The following MYOM1 variants were observed in gnomAD, a reference collection of about 807,000 sequenced individuals.
MYOM1 encodes myomesin 1.
MYOM1 carries 164 observed loss-of-function variants against 205.3 expected under a neutral mutation model. That is an observed-to-expected ratio of 0.80 (90% CI 0.70 to 0.91). MYOM1 has a LOEUF of 0.91. MYOM1 is among the 40% of genes least tolerant of loss of function. The pLI, the probability that MYOM1 is intolerant of heterozygous loss-of-function variation, is 0.00. For synonymous variants in MYOM1, 772 were observed against 789.4 expected (o/e 0.98, Z 0.37); for missense variants, 2,011 against 2,127.3 (o/e 0.95, Z 1.08).
intron 2 of MYOM1, among the ~76,000 whole-genome samples, chr18:3,210,230 C>T (rs1193413470): frequency 2.0e-5 from 3 of 152,226 alleles, no homozygotes; most frequent in Non-Finnish European, 4.4e-5. Flanking sequence ...AACAAGCTTT[C>T]AAGTTCTCTG....
chr18:3,157,478 G>A (rs1055867303), intron 10 of MYOM1, among the ~76,000 whole-genome samples: 1 of 151,850 alleles, frequency 6.6e-6, no homozygotes, highest in Admixed American at 6.6e-5. Context: ...AGGAATTCAA[G>A]AGCAGCCTGG....
At chr18:3,226,452 T>C in the MYOM1 span, among the ~76,000 whole-genome samples, 8,201 of 152,138 alleles carry the variant, frequency 0.054, 515 homozygotes, top group African/African-American at 0.16. This position sits in a 1 kb window ranked among gnomAD's most constrained non-coding sequence, Gnocchi z 4.6. Context: ...TTCCCCTGCC[T>C]GCCTCCTGAG....
At chr18:3,122,289 GC>G (rs2143843849) in intron 19 of MYOM1, among the ~76,000 whole-genome samples, 1 of 151,670 alleles carries the variant, frequency 6.6e-6, no homozygotes, top group South Asian at 2.1e-4. Context: ...CACATGTAAA[GC>G]AGAAAGTTTC....
intron 8 of MYOM1, 55 bp from the exon 9 acceptor site, chr18:3,169,036 AGCATTTT>A: frequency 6.8e-7 from 1 of 1,476,182 alleles, no homozygotes; most frequent in South Asian, 1.3e-5. Flanking sequence ...AAGAGACACA[AGCATTTT>A]AATAAGCACA....
At position 3,135,360 on chromosome 18, in the gene MYOM1, A is replaced by C. The variant is rs1328510065; in HGVS notation, c.2209+187T>G. The C allele has an allele frequency of 7.6e-6, 4 of 527,418 alleles. No individual in the cohort carries two copies. In the Admixed American group the frequency reaches 1.0e-4, roughly 14 times the overall value. The allele number at this position is 527,418 out of a possible 1,614,324, so 32.7% of individuals were successfully genotyped here. ...ATTATCAATATTGTTGAAACTCCCA[A>C]AGAAGTTTACTTTTCATAAACAAAA... On this transcript the variant is annotated intron_variant, in intron 15 of 37. Coordinates refer to ENST00000356443, the MANE Select transcript of MYOM1 (RefSeq NM_003803.4). This position sits in a 1 kb window ranked among gnomAD's most constrained non-coding sequence, Gnocchi z 4.1.
intron 13 of MYOM1, among the ~76,000 whole-genome samples, chr18:3,142,343 C>A (rs543375102): frequency 1.3e-5 from 2 of 152,196 alleles, no homozygotes; most frequent in African/African-American, 4.8e-5. Flanking sequence ...CTCACTGCAG[C>A]CCTGACCTTC....
intron 17 of MYOM1, among the ~76,000 whole-genome samples, chr18:3,130,838 C>T (rs1487300071): frequency 1.3e-5 from 2 of 152,172 alleles, no homozygotes; most frequent in Non-Finnish European, 2.9e-5. Context: ...CACATACACA[C>T]ATATAATTAC....
intron 22 of MYOM1, among the ~76,000 whole-genome samples, chr18:3,108,923 C>A (rs1271548785): frequency 2.0e-5 from 3 of 151,948 alleles, no homozygotes; most frequent in African/African-American, 7.3e-5. Flanking sequence ...TACAATATCA[C>A]AGAAAAAGCC....
intron 2 of MYOM1, among the ~76,000 whole-genome samples, chr18:3,213,917 G>C (rs1004737324): frequency 1.3e-5 from 2 of 152,122 alleles, no homozygotes; most frequent in African/African-American, 4.8e-5. Flanking sequence ...AGCACCCTGG[G>C]TTCACTTTGC....
intron 18 of MYOM1, among the ~76,000 whole-genome samples, chr18:3,127,469 C>G (rs1023545483): frequency 6.6e-6 from 1 of 151,382 alleles, no homozygotes; most frequent in East Asian, 1.9e-4. Context: ...CCACCATGCC[C>G]GGCTAATTTT....
chr18:3,116,585 C>T, intron 20 of MYOM1, 70 bp from the exon 21 acceptor site: 1 of 1,354,046 alleles, frequency 7.4e-7, no homozygotes. Flanking sequence ...TTTAGAACCA[C>T]TTGTAAGTCT....
At chr18:3,094,786 T>C (rs2079278659) in intron 25 of MYOM1, among the ~76,000 whole-genome samples, 1 of 151,950 alleles carries the variant, frequency 6.6e-6, no homozygotes, top group Admixed American at 6.6e-5. Context: ...CTCCGCCTCC[T>C]GAGTAGCTCA....
intron 21 of MYOM1, among the ~76,000 whole-genome samples, chr18:3,115,792 C>T (rs996497928): frequency 1.3e-5 from 2 of 152,142 alleles, no homozygotes; most frequent in African/African-American, 2.4e-5. Context: ...TCTAGAGGAA[C>T]CTGAAAGGCA....
chr18:3,188,774 C>T lies in MYOM1; in HGVS notation c.745G>A (p.Ala249Thr). ...GTTTTCCTCAGGGACAGGCGTTCTG[C>T]CTTTTCTCGAATCACAACTTTCCTT... ...KSRKVVIREKAERLSLRKTLE... is the reference protein window; with the variant it reads ...KSRKVVIREKTERLSLRKTLE... The change falls in exon 4 of 38, where the codon GCA becomes ACA. Residue 249 changes from alanine to threonine, a missense_variant. Ala to Thr is a moderately conservative substitution (Grantham distance 58). Transcript: ENST00000356443. The T allele has an allele frequency of 6.3e-7, 1 of 1,599,662 alleles. No individual in the cohort carries two copies. The highest frequency in any genetic ancestry group is 1.1e-5 in the South Asian group (1 of 89,530).
At chr18:3,159,152 A>G (rs1273287833) in intron 10 of MYOM1, among the ~76,000 whole-genome samples, 1 of 152,226 alleles carries the variant, frequency 6.6e-6, no homozygotes, top group African/African-American at 2.4e-5. Flanking sequence ...ATAACACTGG[A>G]TACCTGTGGG....
chr18:3,075,679 G>C, intron 35 of MYOM1, 46 bp downstream of exon 35: 2 of 1,584,798 alleles, frequency 1.3e-6, no homozygotes, highest in Non-Finnish European at 1.7e-6. Flanking sequence ...AAGCTTCCCG[G>C]GAAATTAGTG....
intron 10 of MYOM1, among the ~76,000 whole-genome samples, chr18:3,162,287 C>T (rs2080402551): frequency 6.6e-6 from 1 of 152,144 alleles, no homozygotes; most frequent in African/African-American, 2.4e-5. Flanking sequence ...CCTGTAGAAC[C>T]CAGGAAACAA....
At chr18:3,103,212 TGCCTGC>T (rs2079404898) in intron 22 of MYOM1, among the ~76,000 whole-genome samples, 4 of 152,230 alleles carry the variant, frequency 2.6e-5, no homozygotes, top group Non-Finnish European at 2.9e-5. Flanking sequence ...AATATATGGA[TGCCTGC>T]TCTGTGGATC....
intron 14 of MYOM1, among the ~76,000 whole-genome samples, chr18:3,137,160 A>G (rs1198585210): frequency 6.6e-6 from 1 of 152,014 alleles, no homozygotes; most frequent in Non-Finnish European, 1.5e-5. Context: ...CGTGTTAGCC[A>G]GGATGGTCTC....
Sources: gnomAD v4.1 joint callset for allele counts (sites outside exome capture counted in the v4.1 genomes callset) on GRCh38, gnomAD v4.1.1 for gene constraint, Gnocchi (gnomAD v3.1) non-coding constraint, MANE v1.5 for transcripts, NCBI Gene and HGNC (gene_info 2026-07-23, HGNC 2026-07-21) for gene names.